Variants in THSD7A observed in about 807,000 individuals in gnomAD.
THSD7A encodes thrombospondin type-1 domain-containing protein 7A.
Under a neutral mutation model 231.3 loss-of-function variants are expected in THSD7A, and 96 were observed. That is an observed-to-expected ratio of 0.41 (90% CI 0.35 to 0.49). The LOEUF is 0.49. Among genes scored for constraint, THSD7A ranks in the 20% least tolerant of loss-of-function variants. The pLI is 0.05. For missense variants in THSD7A, 2,290 were observed against 2,070.2 expected (o/e 1.11, Z -2.06); for synonymous variants, 940 against 743.3 (o/e 1.26, Z -4.30).
chr7:11,792,615 T>C (rs1396129176), intron 1 of THSD7A, among the ~76,000 whole-genome samples: 1 of 151,966 alleles, frequency 6.6e-6, no homozygotes, highest in East Asian at 1.9e-4. Context: ...TAATGTCTTC[T>C]AACTGAATCA....
chr7:11,427,270 T>A (rs2115421702), intron 14 of THSD7A, among the ~76,000 whole-genome samples: 1 of 152,336 alleles, frequency 6.6e-6, no homozygotes, highest in African/African-American at 2.4e-5. Context: ...TTTCCCTAAA[T>A]TTCTTAATAC....
At chr7:11,621,876 A>G (rs990368290) in intron 2 of THSD7A, among the ~76,000 whole-genome samples, 2 of 152,202 alleles carry the variant, frequency 1.3e-5, no homozygotes, top group Non-Finnish European at 2.9e-5. Context: ...GATTTGTATC[A>G]GATTTGTTGA....
chr7:11,613,845 C>G (rs1377698591), intron 2 of THSD7A, among the ~76,000 whole-genome samples: 1 of 152,166 alleles, frequency 6.6e-6, no homozygotes, highest in Non-Finnish European at 1.5e-5. Context: ...ATGGATTTGC[C>G]TATTATGTCT....
intron 6 of THSD7A, among the ~76,000 whole-genome samples, chr7:11,488,189 G>A (rs981993068): frequency 6.6e-6 from 1 of 152,062 alleles, no homozygotes; most frequent in Admixed American, 6.6e-5. Flanking sequence ...GAGTAACTCC[G>A]ATAATTATTA....
chr7:11,481,713 T>C, intron 7 of THSD7A, 75 bp downstream of exon 7: 1 of 1,422,842 alleles, frequency 7.0e-7, no homozygotes, highest in Non-Finnish European at 9.4e-7. Flanking sequence ...AATATCATCT[T>C]TTCCAGGCTA....
At chr7:11,592,012 T>G (rs2128341450) in intron 3 of THSD7A, among the ~76,000 whole-genome samples, 1 of 152,346 alleles carries the variant, frequency 6.6e-6, no homozygotes, top group South Asian at 2.1e-4. Flanking sequence ...TGTGTTTGAA[T>G]ATCTGAGAAG....
chr7:11,407,568 C>G, intron 19 of THSD7A, 145 bp from the exon 20 acceptor site: 1 of 643,338 alleles, frequency 1.6e-6, no homozygotes, highest in Non-Finnish European at 2.7e-6. Context: ...AACATCCAAA[C>G]TATTGAAAGT....
At chr7:11,443,578 A>G (rs997229946) in intron 13 of THSD7A, among the ~76,000 whole-genome samples, 14 of 152,008 alleles carry the variant, frequency 9.2e-5, no homozygotes, top group Admixed American at 1.3e-4. Flanking sequence ...CTTCAATATT[A>G]TGGAGTCTTT....
At chr7:11,388,894 G>T (rs915961197) in intron 23 of THSD7A, among the ~76,000 whole-genome samples, 1 of 152,164 alleles carries the variant, frequency 6.6e-6, no homozygotes, top group Non-Finnish European at 1.5e-5. Context: ...AGGTTGTTCA[G>T]TTTCCATGTA....
chr7:11,394,736 C>A (rs528078150), intron 23 of THSD7A, among the ~76,000 whole-genome samples: 2 of 152,282 alleles, frequency 1.3e-5, no homozygotes, highest in South Asian at 4.1e-4. Flanking sequence ...TCCAGCTTCT[C>A]GGGGCTGCAC....
At chr7:11,795,623 ATATTC>A (rs1361811106) in intron 1 of THSD7A, among the ~76,000 whole-genome samples, 8 of 152,056 alleles carry the variant, frequency 5.3e-5, no homozygotes, top group African/African-American at 1.9e-4. Context: ...ATTCAAACAT[ATATTC>A]TATTACAGAA....
intron 6 of THSD7A, among the ~76,000 whole-genome samples, chr7:11,501,486 C>T (rs2128310481): frequency 6.6e-6 from 1 of 152,194 alleles, no homozygotes; most frequent in Middle Eastern, 3.4e-3. Context: ...TTGCTGAAAC[C>T]CAGACAATTA....
Position 11,446,354 on chromosome 7 carries a change from A to G in THSD7A, c.2801-30T>C. Reference sequence around the variant, plus strand: ...GGAAGAGAAACAATCAGGCAATTTAAGTTGGAAAATACCATCATTAATTTC... The same window carrying G: ...GGAAGAGAAACAATCAGGCAATTTAGGTTGGAAAATACCATCATTAATTTC... On this transcript the variant is annotated intron_variant, in intron 12 of 27. Transcript: ENST00000423059. The surrounding 1 kb of genome is among the most constrained non-coding windows in gnomAD (Gnocchi z 4.0). The G allele has an allele frequency of 6.3e-7, 1 of 1,592,356 alleles. No homozygotes were observed. The highest frequency in any genetic ancestry group is 8.6e-7 in the Non-Finnish European group (1 of 1,169,032).
chr7:11,543,397 C>T (rs1284977268), intron 4 of THSD7A, among the ~76,000 whole-genome samples: 2 of 152,190 alleles, frequency 1.3e-5, no homozygotes, highest in Admixed American at 1.3e-4. Flanking sequence ...CTGAATATAA[C>T]TTTCCTAGTC....
intron 11 of THSD7A, among the ~76,000 whole-genome samples, chr7:11,459,655 A>G (rs1390349319): frequency 6.7e-6 from 1 of 148,438 alleles, no homozygotes; most frequent in Non-Finnish European, 1.5e-5. Context: ...GAAGATTATA[A>G]AAACAGGGGA....
At chr7:11,633,730 T>G (rs1375102949) in intron 2 of THSD7A, among the ~76,000 whole-genome samples, 1 of 152,186 alleles carries the variant, frequency 6.6e-6, no homozygotes, top group Non-Finnish European at 1.5e-5. Flanking sequence ...TTTGGTCTAT[T>G]GGAAAGTGGA....
chr7:11,439,993 G>C (rs1415795163), intron 13 of THSD7A, among the ~76,000 whole-genome samples: 1 of 152,010 alleles, frequency 6.6e-6, no homozygotes, highest in Non-Finnish European at 1.5e-5. Context: ...TCAATGGCTG[G>C]CTTCAAAATT....
At position 11,519,515 on chromosome 7, in the gene THSD7A, G is replaced by C. The variant is rs573405731; in HGVS notation, c.1822+21904C>G. Reference sequence around the variant, plus strand: ...CACACTGTCACTTTCACTCCAGCAGGTCTGGAAAGTTCTCTTGCTCCACAT... The same window carrying C: ...CACACTGTCACTTTCACTCCAGCAGCTCTGGAAAGTTCTCTTGCTCCACAT... On this transcript the variant is annotated intron_variant, in intron 6 of 27. Transcript: ENST00000423059. Among the ~76,000 whole-genome samples, 5 of 152,126 alleles carry C rather than the reference G, an allele frequency of 3.3e-5. 1 individual carries two copies. The highest frequency in any genetic ancestry group is 7.3e-5 in the Non-Finnish European group (5 of 68,030).
intron 11 of THSD7A, among the ~76,000 whole-genome samples, chr7:11,459,542 T>A (rs1456709113): frequency 6.6e-6 from 1 of 151,852 alleles, no homozygotes; most frequent in African/African-American, 2.4e-5. Flanking sequence ...AGATACATAA[T>A]GAGAATTATG....
Sources: allele counts gnomAD v4.1 joint callset (sites outside exome capture counted in the v4.1 genomes callset), GRCh38; gene constraint gnomAD v4.1.1; non-coding constraint Gnocchi (gnomAD v3.1); transcripts MANE v1.5; gene names NCBI Gene and HGNC (gene_info 2026-07-23, HGNC 2026-07-21).